ZNF813: variants seen among roughly 807,000 people sequenced by gnomAD.
ZNF813 encodes zinc finger protein 813.
Under a neutral mutation model 7.2 loss-of-function variants are expected in ZNF813, and 3 were observed. That is an observed-to-expected ratio of 0.42 (90% CI 0.19 to 1.08). ZNF813 has a LOEUF of 1.08. Among genes scored for constraint, ZNF813 ranks in the 50% least tolerant of loss-of-function variants. ZNF813 has a pLI of 0.30. For synonymous variants in ZNF813, 227 were observed against 256.3 expected (o/e 0.89, Z 1.09); for missense variants, 714 against 753.3 (o/e 0.95, Z 0.61).
At chr19:53,481,330 A>G (rs2086407259) in intron 1 of ZNF813, among the ~76,000 whole-genome samples, 1 of 142,136 alleles carries the variant, frequency 7.0e-6, no homozygotes, top group Admixed American at 7.3e-5. Flanking sequence ...CTATTCTAAA[A>G]GCACCCATGT....
chr19:53,488,584 A>ATT (rs35747993), intron 3 of ZNF813, among the ~76,000 whole-genome samples: 16,887 of 134,638 alleles, frequency 0.13, 1,048 homozygotes, highest in Middle Eastern at 0.2. Flanking sequence ...AATTTTTTGT[A>ATT]TTTTTTTTTT....
At chr19:53,485,345 A>G (rs1362545758) in intron 2 of ZNF813, among the ~76,000 whole-genome samples, 1 of 152,154 alleles carries the variant, frequency 6.6e-6, no homozygotes, top group Non-Finnish European at 1.5e-5. Context: ...AAAACTTGCT[A>G]CTTTTTATAT....
In ZNF813 at chr19:53,491,983, G is replaced by A. The variant is rs1375616990; in HGVS notation, c.1751G>A (p.Cys584Tyr). Reference sequence around the variant, plus strand: ...GAGAAACCTTACAAGTGTAATGAATGTGGCAAGGTTTTTAATCAAAAAGCA... The same window carrying A: ...GAGAAACCTTACAAGTGTAATGAATATGGCAAGGTTTTTAATCAAAAAGCA... Reference protein sequence around the residue: ...TGEKPYKCNECGKVFNQKANL... With the variant: ...TGEKPYKCNEYGKVFNQKANL... Residue 584 changes from cysteine to tyrosine, a missense_variant, in exon 4 of 4, where the codon TGT becomes TAT. Transcript: ENST00000396403. The A allele has an allele frequency of 2.5e-6, 4 of 1,613,892 alleles. No homozygotes were observed. The highest frequency in any genetic ancestry group is 1.7e-5 in the Admixed American group (1 of 60,008).
chr19:53,480,259 G>A (rs2086401714), intron 1 of ZNF813: 4 of 745,648 alleles, frequency 5.4e-6, no homozygotes, highest in Non-Finnish European at 9.8e-6. Flanking sequence ...AACTGTCTCT[G>A]CCTCTTCCTG....
At chr19:53,471,872 T>G (rs2086361157) in intron 1 of ZNF813, among the ~76,000 whole-genome samples, 9 of 151,214 alleles carry the variant, frequency 6.0e-5, no homozygotes, top group Admixed American at 4.6e-4. Context: ...AGAGTTAAAT[T>G]ATCTTGTGAC....
chr19:53,479,540 G>C (rs2086397496), intron 1 of ZNF813: 1 of 1,221,842 alleles, frequency 8.2e-7, no homozygotes, highest in Non-Finnish European at 1.2e-6. Flanking sequence ...GAGCTGGACT[G>C]TGCTCAGGAG....
rs1394146631 is a variant in ZNF813 at position 53,483,776 on chromosome 19, G to A, written c.-47G>A. On this transcript the variant is annotated 5_prime_UTR_variant, in exon 2 of 4. In the 5' UTR this introduces an upstream ATG that the reference lacks. Transcript: ENST00000396403. ...ATTGACTTCTAAAGACTCTTGGTAT[G>A]TGAGGAAGAAACCTGGAAGAGGAAG... 9 of 1,612,134 alleles carry A rather than the reference G, an allele frequency of 5.6e-6. No homozygotes were observed. The highest frequency in any genetic ancestry group is 1.3e-5 in the African/African-American group (1 of 74,930).
In ZNF813 at chr19:53,486,583, A is replaced by T. The variant is rs763788900; in HGVS notation, c.16-49A>T. 1.9e-6 allele frequency: 3 copies of T among 1,613,702 alleles called. No homozygotes were observed. The African/African-American group carries it at 4.0e-5, about 22-fold the overall frequency. On this transcript the variant is annotated intron_variant, in intron 2 of 3. Transcript: ENST00000396403. The stretch of plus-strand genomic sequence containing the variant: ...TCTCCTCTTCTCATTTTCTGTGAAG[A>T]TAAGAACTCCTCCCATAACAATTTC...
chr19:53,472,813 T>C (rs368863823), intron 1 of ZNF813, among the ~76,000 whole-genome samples: 2 of 152,018 alleles, frequency 1.3e-5, no homozygotes, highest in African/African-American at 2.4e-5. Flanking sequence ...GGTTGTTCCA[T>C]GTTGGTGTGG....
At chr19:53,486,015 C>G (rs1386413836) in intron 2 of ZNF813, among the ~76,000 whole-genome samples, 1 of 152,148 alleles carries the variant, frequency 6.6e-6, no homozygotes, top group Non-Finnish European at 1.5e-5. Flanking sequence ...TCTGCTGCAT[C>G]AGCCTCCCGG....
intron 1 of ZNF813, among the ~76,000 whole-genome samples, chr19:53,482,657 A>G (rs2086413823): frequency 6.8e-6 from 1 of 147,062 alleles, no homozygotes; most frequent in African/African-American, 2.5e-5. Context: ...GTCAGTCTCT[A>G]TCACGTTACT....
At chr19:53,478,362 G>A (rs1314578339) in intron 1 of ZNF813, among the ~76,000 whole-genome samples, 2 of 151,866 alleles carry the variant, frequency 1.3e-5, no homozygotes, top group African/African-American at 2.4e-5. Context: ...TTGTAGAAAC[G>A]GGTTTCGCTA....
At chr19:53,489,697 A>T (rs1400169240) in intron 3 of ZNF813, among the ~76,000 whole-genome samples, 1 of 152,152 alleles carries the variant, frequency 6.6e-6, no homozygotes, top group Non-Finnish European at 1.5e-5. Context: ...TCAGAAAAAT[A>T]TTGTATTAAC....
intron 1 of ZNF813, among the ~76,000 whole-genome samples, chr19:53,470,430 G>A (rs537082276): frequency 6.7e-6 from 1 of 149,324 alleles, no homozygotes; most frequent in Admixed American, 6.7e-5. Flanking sequence ...TTAATAGAAA[G>A]CATCACTATT....
intron 1 of ZNF813, among the ~76,000 whole-genome samples, chr19:53,476,966 G>C (rs1418449752): frequency 6.6e-6 from 1 of 152,176 alleles, no homozygotes; most frequent in East Asian, 1.9e-4. Flanking sequence ...CTGGCTGTGG[G>C]AGAGTTTTTA....
At position 53,491,098 on chromosome 19, in the gene ZNF813, A is replaced by C; in HGVS notation, c.866A>C (p.His289Pro). 2 of 1,614,182 alleles carry C rather than the reference A, an allele frequency of 1.2e-6. No homozygotes were observed. The highest frequency in any genetic ancestry group is 4.5e-5 in the East Asian group (2 of 44,880). ...TFSQTYSLTC[H>P]RRLHTGEKPY... is the part of the protein sequence containing the mutation. Reference sequence around the variant, plus strand: ...AGTCAGACGTATTCCCTTACATGCCATCGTAGACTTCATACTGGAGAGAAA... The same window carrying C: ...AGTCAGACGTATTCCCTTACATGCCCTCGTAGACTTCATACTGGAGAGAAA... The change falls in exon 4 of 4, where the codon CAT becomes CCT. Residue 289 changes from histidine (H) to proline (P), a missense_variant. Coordinates refer to ENST00000396403, the MANE Select transcript of ZNF813 (RefSeq NM_001004301.4).
In ZNF813 at chr19:53,490,992, C is replaced by T. The variant is rs374413547; in HGVS notation, c.760C>T (p.Arg254Trp). Residue 254 changes from arginine to tryptophan, a missense_variant, in exon 4 of 4, where the codon CGG becomes TGG. Physicochemically the swap from Arg to Trp is moderately radical, Grantham distance 101. Coordinates refer to ENST00000396403, the MANE Select transcript of ZNF813 (RefSeq NM_001004301.4). ...KCDVCGKVFN[R>W]KRNLVCHRRC... is the part of the protein sequence containing the mutation. ...TGATGTATGTGGCAAGGTCTTTAAT[C>T]GGAAGCGAAACCTAGTGTGCCATCG... 2.2e-5 allele frequency: 36 copies of T among 1,613,990 alleles called. No individual in the cohort carries two copies. Among genetic ancestry groups the T allele is most frequent in the Middle Eastern group, 3.3e-4 (2 of 6,084 alleles).
At position 53,491,832 on chromosome 19, in the gene ZNF813, C is replaced by A. The variant is rs762336549; in HGVS notation, c.1600C>A (p.Arg534=). 22 of 1,613,162 alleles carry A rather than the reference C, an allele frequency of 1.4e-5. No individual in the cohort carries two copies. The highest frequency in any genetic ancestry group is 1.7e-4 in the Middle Eastern group (1 of 6,044). Residue 534 remains arginine (R), a synonymous_variant, in exon 4 of 4, where the codon CGA becomes AGA. Coordinates refer to ENST00000396403, the MANE Select transcript of ZNF813 (RefSeq NM_001004301.4). ...KCNECGKVFN[R]KTHLAHHHRL... ...TAATGAATGTGGCAAGGTTTTTAAT[C>A]GAAAAACACACCTTGCACATCATCA...
intron 1 of ZNF813, among the ~76,000 whole-genome samples, chr19:53,481,811 C>G (rs1252021337): frequency 6.6e-6 from 1 of 152,162 alleles, no homozygotes; most frequent in Non-Finnish European, 1.5e-5. Flanking sequence ...GAATCAATGG[C>G]ATCAGAACCT....
Sources: gnomAD v4.1 joint callset for allele counts (sites outside exome capture counted in the v4.1 genomes callset) on GRCh38, gnomAD v4.1.1 for gene constraint, MANE v1.5 for transcripts, NCBI Gene and HGNC (gene_info 2026-07-23, HGNC 2026-07-21) for gene names.